Variants in LRRC37A2 observed in about 807,000 individuals in gnomAD.
The protein encoded by LRRC37A2 is leucine-rich repeat-containing protein 37A2.
In LRRC37A2, 9 loss-of-function variants were observed where a neutral mutation model predicts 68.8. The ratio of observed to expected loss-of-function variants is 0.13; its 90% CI spans 0.08 to 0.23. LRRC37A2 has a LOEUF of 0.23. Ranked by LOEUF, LRRC37A2 falls within the 10% of genes least tolerant of loss-of-function variation. The pLI, the probability that LRRC37A2 is intolerant of heterozygous loss-of-function variation, is 1.00. For missense variants in LRRC37A2, 168 were observed against 950.4 expected (o/e 0.18, Z 10.82); for synonymous variants, 63 against 367.6 (o/e 0.17, Z 9.48).
chr17:46,908,155 A>G, the LRRC37A2 span, among the ~76,000 whole-genome samples: 1 of 151,424 alleles, frequency 6.6e-6, no homozygotes, highest in Admixed American at 6.6e-5. Context: ...ATGAGCCCCC[A>G]GTCCTCCTGT....
At chr17:46,936,405 A>C in the LRRC37A2 span, 2 of 985,222 alleles carry the variant, frequency 2.0e-6, no homozygotes, top group East Asian at 2.3e-4. Flanking sequence ...TGCCACCCAC[A>C]CTGATACCAG....
the LRRC37A2 span, among the ~76,000 whole-genome samples, chr17:46,771,558 C>T: frequency 6.7e-6 from 1 of 148,784 alleles, no homozygotes; most frequent in Non-Finnish European, 1.5e-5. Flanking sequence ...CTGTGCCTTC[C>T]CCGTCCGGCG....
chr17:46,735,880 G>A, the LRRC37A2 span, among the ~76,000 whole-genome samples: 1 of 152,316 alleles, frequency 6.6e-6, no homozygotes, highest in African/African-American at 2.4e-5. Context: ...AGGAGGCGGA[G>A]TTTGCAGTGA....
At chr17:46,935,106 T>C in the LRRC37A2 span, 1 of 1,613,720 alleles carries the variant, frequency 6.2e-7, no homozygotes, top group Non-Finnish European at 8.5e-7. Flanking sequence ...ACGGCATGGA[T>C]GACCTCATTT....
At chr17:46,550,854 G>C (rs2056716533) in intron 11 of LRRC37A2, among the ~76,000 whole-genome samples, 1 of 134,696 alleles carries the variant, frequency 7.4e-6, no homozygotes, top group African/African-American at 3.1e-5. Context: ...TTATTTCCTT[G>C]TTGCTGAAAT....
chr17:46,535,010 T>G (rs998037201), intron 6 of LRRC37A2, among the ~76,000 whole-genome samples: 2 of 149,524 alleles, frequency 1.3e-5, no homozygotes, highest in African/African-American at 5.1e-5. Context: ...CCAGACAGGG[T>G]CGCGGCCGGG....
the LRRC37A2 span, chr17:46,979,082 G>A: frequency 7.8e-7 from 1 of 1,290,006 alleles, no homozygotes; most frequent in Non-Finnish European, 9.9e-7. Context: ...GCGCTCTCAG[G>A]GACGCTCCGG....
chr17:46,931,016 GA>G, the LRRC37A2 span: 74 of 801,394 alleles, frequency 9.2e-5, no homozygotes, highest in East Asian at 4.4e-4. Flanking sequence ...ATTGGATATT[GA>G]AAAAAAAATC....
the LRRC37A2 span, among the ~76,000 whole-genome samples, chr17:46,946,229 A>G: frequency 4.7e-5 from 7 of 149,522 alleles, no homozygotes; most frequent in Admixed American, 1.3e-4. Context: ...TGAGGTCAGG[A>G]GTTCGAGACC....
intron 6 of LRRC37A2, among the ~76,000 whole-genome samples, chr17:46,535,236 G>A (rs1466933677): frequency 6.7e-6 from 1 of 148,688 alleles, no homozygotes; most frequent in Non-Finnish European, 1.5e-5. Context: ...TAATCTTATT[G>A]AGGATCCCTT....
chr17:46,743,654 A>G, the LRRC37A2 span, among the ~76,000 whole-genome samples: 1 of 152,114 alleles, frequency 6.6e-6, no homozygotes, highest in African/African-American at 2.4e-5. Flanking sequence ...TGCATAAGAC[A>G]CTGGTTAAAA....
chr17:46,804,491 G>A, the LRRC37A2 span, among the ~76,000 whole-genome samples: 2 of 152,202 alleles, frequency 1.3e-5, no homozygotes, highest in South Asian at 2.1e-4. Flanking sequence ...GGGAAGTGCT[G>A]TAAGACACCA....
chr17:46,888,111 C>G, the LRRC37A2 span, among the ~76,000 whole-genome samples: 1 of 152,136 alleles, frequency 6.6e-6, no homozygotes, highest in African/African-American at 2.4e-5. Context: ...GATGAGTTTT[C>G]ACAAGCGGGA....
the LRRC37A2 span, among the ~76,000 whole-genome samples, chr17:46,815,824 G>A: frequency 1.3e-5 from 2 of 152,120 alleles, no homozygotes; most frequent in Non-Finnish European, 2.9e-5. Context: ...GCTTCCTGTT[G>A]GACCTTCCCT....
At chr17:46,780,237 T>A in the LRRC37A2 span, among the ~76,000 whole-genome samples, 2 of 152,136 alleles carry the variant, frequency 1.3e-5, no homozygotes, top group Non-Finnish European at 2.9e-5. Context: ...TGACGGCCAA[T>A]CCCCTGCTGA....
the LRRC37A2 span, among the ~76,000 whole-genome samples, chr17:46,951,928 T>C: frequency 0.45 from 67,645 of 151,868 alleles, 15,327 homozygotes; most frequent in South Asian, 0.52. Context: ...CCCAGCTCCA[T>C]GTTCACCCCC....
At chr17:46,961,671 A>G in the LRRC37A2 span, among the ~76,000 whole-genome samples, 29 of 152,368 alleles carry the variant, frequency 1.9e-4, no homozygotes, top group Middle Eastern at 3.4e-3. Flanking sequence ...ATTTTTTAAA[A>G]AAGGTCCAGC....
chr17:46,580,474 C>G, the LRRC37A2 span, among the ~76,000 whole-genome samples: 1 of 120,510 alleles, frequency 8.3e-6, no homozygotes, highest in South Asian at 3.1e-4. Context: ...GCCTGGAAGG[C>G]CAAGGCTTTG....
the LRRC37A2 span, among the ~76,000 whole-genome samples, chr17:46,824,767 A>T: frequency 2.6e-5 from 4 of 152,252 alleles, no homozygotes; most frequent in South Asian, 8.3e-4. Flanking sequence ...AGGGCCACTG[A>T]CTCAGGTCTG....
Sources: allele counts gnomAD v4.1 joint callset (sites outside exome capture counted in the v4.1 genomes callset), GRCh38; gene constraint gnomAD v4.1.1; transcripts MANE v1.5; gene names NCBI Gene and HGNC (gene_info 2026-07-23, HGNC 2026-07-21).